The following ERMAP variants were observed in gnomAD, a reference collection of about 807,000 sequenced individuals.
The protein encoded by ERMAP is erythroblast membrane associated protein (Scianna blood group).
A neutral mutation model predicts 49.5 loss-of-function variants in ERMAP; 34 were observed. That is an observed-to-expected ratio of 0.69 (90% confidence interval 0.52 to 0.91). ERMAP has a LOEUF of 0.91. Ranked by LOEUF, ERMAP falls within the 40% of genes least tolerant of loss-of-function variation. The probability of loss-of-function intolerance (pLI) is 0.00; values close to 1 mark genes in which losing one functional copy is unlikely to be tolerated. For missense variants in ERMAP, 541 were observed against 582.6 expected, an observed-to-expected ratio of 0.93 and a Z score of 0.74; for synonymous variants, 214 against 232.2, an observed-to-expected ratio of 0.92 and a Z score of 0.71.
At chr1:42,826,822 C>T (rs535766770) in intron 2 of ERMAP, among the ~76,000 whole-genome samples, 2 of 148,442 alleles carry the variant, frequency 1.3e-5, no homozygotes, top group South Asian at 4.3e-4. Context: ...TGCCACTGCA[C>T]TCCAGCTTGG....
At chr1:42,839,144 A>G (rs1654986328) in intron 8 of ERMAP, 1 of 661,924 alleles carries the variant, frequency 1.5e-6, no homozygotes, top group Non-Finnish European at 2.6e-6. Context: ...AAAACGTTTC[A>G]CCAGGAAGAG....
At position 42,817,373 on chromosome 1, in the gene ERMAP, C is replaced by T. The variant is rs187374580; in HGVS notation, c.-122+120C>T. The T allele has an allele frequency of 2.5e-3, 1,477 of 590,364 alleles. 27 individuals are homozygous for T. The African/African-American group carries it at 0.029, about 12-fold the overall frequency. The allele number at this position is 590,364 out of a possible 1,614,324, so 36.6% of individuals were successfully genotyped here. ...GGCCGAGCGCCAGGAGGCTTCCGCC[C>T]GCAGGAGCGGCCGCGCGTGCGCAGA... is the stretch of plus-strand genomic sequence containing the variant. On this transcript the variant is annotated intron_variant, in intron 1 of 11. Transcript: ENST00000372517.
chr1:42,830,495 TC>T lies in ERMAP; in HGVS notation c.50del (p.Pro17LeufsTer26), dbSNP rs1425959514. On this transcript the variant is annotated frameshift_variant, in exon 3 of 12. Coordinates refer to ENST00000372517, the MANE Select transcript of ERMAP (RefSeq NM_001017922.2). LOFTEE classifies it high-confidence loss of function. ...GGCTCCTGGCTCTCTGGCTGCCTCA[TC>T]CCTCTCGTCTTCCTCCGGCTGTCTG... ...SAGSWLSGCL[I>X]PLVFLRLSVH... 3 of 1,614,020 alleles carry T rather than the reference TC, an allele frequency of 1.9e-6. No individual in the cohort carries two copies. Among genetic ancestry groups the T allele is most frequent in the Non-Finnish European group, 2.5e-6 (3 of 1,180,012 alleles).
intron 4 of ERMAP, among the ~76,000 whole-genome samples, chr1:42,831,744 G>C (rs1654748293): frequency 6.6e-6 from 1 of 151,248 alleles, no homozygotes; most frequent in African/African-American, 2.4e-5. Flanking sequence ...ACCATGTCTG[G>C]TTAATTTTTT....
chr1:42,842,672 A>G lies in ERMAP; in HGVS notation c.868A>G (p.Thr290Ala), dbSNP rs781228908. The G allele has an allele frequency of 1.9e-6, 3 of 1,614,160 alleles. No homozygotes were observed. Among genetic ancestry groups the G allele is most frequent in the Non-Finnish European group, 2.5e-6 (3 of 1,180,024 alleles). ...CATCCTAGGCTCTGAGTACTTCACGACTGGCTGCCACTACTGGGAGGTGTA... is the reference window on the plus strand; with the variant it reads ...CATCCTAGGCTCTGAGTACTTCACGGCTGGCTGCCACTACTGGGAGGTGTA... ...VSILGSEYFT[T>A]GCHYWEVYVG... Residue 290 changes from threonine to alanine, a missense_variant, in exon 12 of 12, where the codon ACT becomes GCT. Physicochemically the swap from Thr to Ala is moderately conservative, Grantham distance 58 (BLOSUM62 0). Coordinates refer to ENST00000372517, the MANE Select transcript of ERMAP (RefSeq NM_001017922.2).
rs1424079805 is a variant in ERMAP, at chr1:42,843,537, C to T, written c.*305C>T. 1.2e-5 allele frequency: 3 copies of T among 250,762 alleles called. No homozygotes were observed. The highest frequency in any genetic ancestry group is 2.2e-5 in the African/African-American group (1 of 44,752). 15.5% of individuals were successfully genotyped at this position (250,762 alleles called of 1,614,324 possible). A position where few individuals can be genotyped will look rare whatever the true frequency, so the allele number is the denominator to read the frequency against. On this transcript the variant is annotated 3_prime_UTR_variant, in exon 12 of 12. Transcript: ENST00000372517. Reference sequence around the variant, plus strand: ...CAGCACAGGTTCAGGGAAAAGAGTTCGCTACTCCAGGGGTTATTTAGAAGA... The same window carrying T: ...CAGCACAGGTTCAGGGAAAAGAGTTTGCTACTCCAGGGGTTATTTAGAAGA...
intron 6 of ERMAP, among the ~76,000 whole-genome samples, chr1:42,836,136 C>G (rs912132575): frequency 1.3e-5 from 2 of 151,728 alleles, no homozygotes; most frequent in African/African-American, 4.8e-5. Flanking sequence ...ACAGTTTTTG[C>G]CCTCCTGGAA....
At chr1:42,826,052 G>T (rs1654536432) in intron 2 of ERMAP, among the ~76,000 whole-genome samples, 1 of 152,172 alleles carries the variant, frequency 6.6e-6, no homozygotes, top group Non-Finnish European at 1.5e-5. Flanking sequence ...CAGATTTGCA[G>T]GGTCATATTA....
intron 2 of ERMAP, among the ~76,000 whole-genome samples, chr1:42,828,904 C>T (rs1200093601): frequency 6.6e-6 from 1 of 152,136 alleles, no homozygotes; most frequent in Non-Finnish European, 1.5e-5. Context: ...TAGCTTGGAG[C>T]TCTGGGTCAC....
At chr1:42,832,794 G>A (rs1186194385) in intron 4 of ERMAP, among the ~76,000 whole-genome samples, 1 of 152,262 alleles carries the variant, frequency 6.6e-6, no homozygotes, top group Non-Finnish European at 1.5e-5. Flanking sequence ...CCATTAGGAG[G>A]AGCGTGGGGA....
intron 4 of ERMAP, among the ~76,000 whole-genome samples, chr1:42,833,740 A>G (rs1654816454): frequency 6.6e-6 from 1 of 152,118 alleles, no homozygotes; most frequent in Non-Finnish European, 1.5e-5. Flanking sequence ...TATTTATAAT[A>G]AAGATGAGCT....
chr1:42,831,192 A>G, intron 4 of ERMAP, 77 bp downstream of exon 4: 3 of 1,492,320 alleles, frequency 2.0e-6, no homozygotes, highest in South Asian at 1.3e-5. Flanking sequence ...TTGTCTCTCC[A>G]TGTCTAGACT....
Position 42,837,177 on chromosome 1 carries a change from T to C in ERMAP, c.603T>C (p.His201=). Residue 201 remains histidine, a synonymous_variant, in exon 7 of 12, where the codon CAT becomes CAC. Transcript: ENST00000372517. ...VTEVDNLLSD[H]AKEKGKLHKA... ...CTCTAGACAATCTTCTTTCAGACCA[T>C]GCTAAAGAAAAAGGTAATGATATAA... The C allele has an allele frequency of 6.2e-7, 1 of 1,613,932 alleles. No homozygotes were observed. The highest frequency in any genetic ancestry group is 8.5e-7 in the Non-Finnish European group (1 of 1,179,874).
rs1303992258 is a variant in ERMAP, at chr1:42,819,136, T to C, written c.-122+1883T>C. ...AGTGGAGAAGGTGTGATGAGTTGGT[T>C]TGGGAAACGGTGAGGAAGAGGATAA... On this transcript the variant is annotated intron_variant, in intron 1 of 11. Coordinates refer to ENST00000372517, the MANE Select transcript of ERMAP (RefSeq NM_001017922.2). This position sits in a 1 kb window ranked among gnomAD's most constrained non-coding sequence, Gnocchi z 5.1. Among the ~76,000 whole-genome samples, 2 of 150,318 alleles carry C rather than the reference T, an allele frequency of 1.3e-5. No homozygotes were observed. The highest frequency in any genetic ancestry group is 2.0e-4 in the East Asian group (1 of 5,076).
chr1:42,830,414 G>T, intron 2 of ERMAP, 30 bp from the exon 3 acceptor site: 2 of 1,605,846 alleles, frequency 1.2e-6, no homozygotes, highest in Non-Finnish European at 1.7e-6. Context: ...CCATCAGCCC[G>T]CTTGTGCTGT....
At chr1:42,825,482 T>G in intron 1 of ERMAP, 141 bp from the exon 2 acceptor site, 1 of 1,172,984 alleles carries the variant, frequency 8.5e-7, no homozygotes, top group Non-Finnish European at 1.1e-6. Context: ...CTCTTTGCTC[T>G]GTTCTTTTAT....
intron 1 of ERMAP, among the ~76,000 whole-genome samples, chr1:42,824,209 G>T: frequency 6.6e-6 from 1 of 151,842 alleles, no homozygotes; most frequent in East Asian, 1.9e-4. Flanking sequence ...ATAGCTGGGC[G>T]TGGTGGCGGG....
intron 6 of ERMAP, 42 bp from the exon 7 acceptor site, chr1:42,837,116 C>T (rs376656295): frequency 1.4e-5 from 22 of 1,611,580 alleles, no homozygotes; most frequent in Non-Finnish European, 1.9e-5. Context: ...ATCCTCAAGG[C>T]AGTGGCAAAA....
rs1286024450 is a variant in ERMAP at position 42,826,466 on chromosome 1, T to C, written c.-6+728T>C. Among the ~76,000 whole-genome samples the C allele has an allele frequency of 2.6e-5, 4 of 152,296 alleles. No homozygotes were observed. In the East Asian group the frequency reaches 5.8e-4, roughly 22 times the overall value. On this transcript the variant is annotated intron_variant, in intron 2 of 11. Coordinates refer to ENST00000372517, the MANE Select transcript of ERMAP (RefSeq NM_001017922.2). ...CATAGGATACTTTGGTAAGTTGATA[T>C]GACTTTCTGGAGGGCAATTTGTCAG...
Sources: gnomAD v4.1 joint callset for allele counts (sites outside exome capture counted in the v4.1 genomes callset) on GRCh38, gnomAD v4.1.1 for gene constraint, Gnocchi (gnomAD v3.1) non-coding constraint, MANE v1.5 for transcripts, NCBI Gene and HGNC (gene_info 2026-07-23, HGNC 2026-07-21) for gene names.